ASB13: variants seen among roughly 807,000 people sequenced by gnomAD.
ASB13 encodes ankyrin repeat and SOCS box protein 13.
A neutral mutation model predicts 28.8 loss-of-function variants in ASB13; 33 were observed. That is an observed-to-expected ratio of 1.15 (90% CI 0.87 to 1.53). The LOEUF (loss-of-function observed/expected upper bound fraction) is 1.53, where lower values mean the gene tolerates loss of function less well. ASB13 is among the 40% of genes most tolerant of loss of function. The probability of loss-of-function intolerance (pLI) is 0.00; values close to 1 mark genes in which losing one functional copy is unlikely to be tolerated. For missense variants in ASB13, 414 were observed against 390.1 expected (o/e 1.06, Z -0.52); for synonymous variants, 182 against 172.9 (o/e 1.05, Z -0.41).
chr10:5,648,940 A>G, intron 4 of ASB13, 30 bp downstream of exon 4: 1 of 1,610,968 alleles, frequency 6.2e-7, no homozygotes, highest in Non-Finnish European at 8.5e-7. Context: ...CCACTCAGGT[A>G]AACACCCGCT....
At chr10:5,654,969 G>C (rs970948920) in intron 1 of ASB13, among the ~76,000 whole-genome samples, 68 of 152,226 alleles carry the variant, frequency 4.5e-4, no homozygotes, top group African/African-American at 1.5e-3. Context: ...GGGCGTGGTG[G>C]TGCATGCCTG....
rs199941400 is a variant in ASB13 at position 5,641,946 on chromosome 10, G to A, written c.533C>T (p.Ala178Val). The A allele has an allele frequency of 5.2e-4, 833 of 1,604,104 alleles. 6 individuals are homozygous for A. The highest frequency in any genetic ancestry group is 1.9e-4 in the Non-Finnish European group (219 of 1,171,514). The change falls in exon 5 of 6, where the codon GCG becomes GTG. Residue 178 changes from alanine to valine, a missense_variant. Transcript: ENST00000357700. This position sits in a 1 kb window ranked among gnomAD's most constrained non-coding sequence, Gnocchi z 8.4. ...AAGGGCAGTCTCATGAAGCTTTGCC[G>A]CATTCACGTTGGCCCCTGGAGGTCA... ...VLLNAGANVN[A>V]AKLHETALHH... is the part of the protein sequence containing the mutation.
rs1835209653 is a variant in ASB13 at position 5,663,700 on chromosome 10, C to T, written c.43+2809G>A. ...AGGTACTGTTTTGCCCATAAACATG[C>T]TTCCTAAGCCTTTGTAACTTGCTAA... On this transcript the variant is annotated intron_variant, in intron 1 of 5. Transcript: ENST00000357700. The surrounding 1 kb of genome is among the most constrained non-coding windows in gnomAD (Gnocchi z 4.9). 1.3e-5 allele frequency among the ~76,000 whole-genome samples: 2 copies of T among 152,206 alleles called. No homozygotes were observed. The highest frequency in any genetic ancestry group is 1.3e-4 in the Admixed American group (2 of 15,282).
At chr10:5,657,516 C>A (rs947652921) in intron 1 of ASB13, among the ~76,000 whole-genome samples, 6 of 151,900 alleles carry the variant, frequency 3.9e-5, no homozygotes, top group South Asian at 2.1e-4. Flanking sequence ...TCAAAAAAAA[C>A]CAAATACGTG....
At position 5,665,999 on chromosome 10, in the gene ASB13, A is replaced by T. The variant is rs1385071491; in HGVS notation, c.43+510T>A. Among the ~76,000 whole-genome samples the T allele has an allele frequency of 5.9e-5, 9 of 152,100 alleles. No homozygotes were observed. The East Asian group carries it at 1.7e-3, about 29-fold the overall frequency. On this transcript the variant is annotated intron_variant, in intron 1 of 5. Transcript: ENST00000357700. ...TTTTCGGAGTGTGCCGGGGTGCCCC[A>T]AGGCCACCTTCACTGGAGCGGAGTC...
At chr10:5,646,067 C>A (rs1017047064) in intron 4 of ASB13, among the ~76,000 whole-genome samples, 11 of 152,294 alleles carry the variant, frequency 7.2e-5, no homozygotes, top group African/African-American at 2.4e-4. Context: ...CGAGCCAACA[C>A]CAACAGTCAC....
Position 5,641,903 on chromosome 10 carries a change from G to A in ASB13, c.576C>T (p.Val192=). The change falls in exon 5 of 6, where the codon GTC becomes GTT. Residue 192 remains valine, a synonymous_variant. Coordinates refer to ENST00000357700, the MANE Select transcript of ASB13 (RefSeq NM_024701.4). The surrounding 1 kb of genome is among the most constrained non-coding windows in gnomAD (Gnocchi z 8.4). ...HETALHHAAK[V]KNVDLIEMLI... is the part of the protein sequence containing the mutation. ...GCATCTCGATGAGGTCAACATTCTT[G>A]ACCTTGGCCGCGTGGTGAAGGGCAG... The A allele has an allele frequency of 6.2e-7, 1 of 1,613,762 alleles. No homozygotes were observed. Among genetic ancestry groups the A allele is most frequent in the Non-Finnish European group, 8.5e-7 (1 of 1,179,686 alleles).
rs898131499 is a variant in ASB13 at position 5,660,224 on chromosome 10, T to G, written c.43+6285A>C. 3.3e-5 allele frequency among the ~76,000 whole-genome samples: 5 copies of G among 152,208 alleles called. No individual in the cohort carries two copies. Among genetic ancestry groups the G allele is most frequent in the Non-Finnish European group, 7.4e-5 (5 of 68,024 alleles). ...TATCTACTGCAGACTACGGCAGACG[T>G]CACCTTGAGAAGGAATGACACGTGC... is the stretch of plus-strand genomic sequence containing the variant. On this transcript the variant is annotated intron_variant, in intron 1 of 5. Coordinates refer to ENST00000357700, the MANE Select transcript of ASB13 (RefSeq NM_024701.4). This position sits in a 1 kb window ranked among gnomAD's most constrained non-coding sequence, Gnocchi z 6.1.
chr10:5,660,176 G>C lies in ASB13; in HGVS notation c.43+6333C>G, dbSNP rs1835137895. Among the ~76,000 whole-genome samples the C allele has an allele frequency of 6.6e-6, 1 of 152,204 alleles. No individual in the cohort carries two copies. The highest frequency in any genetic ancestry group is 2.4e-5 in the African/African-American group (1 of 41,452). On this transcript the variant is annotated intron_variant, in intron 1 of 5. Coordinates refer to ENST00000357700, the MANE Select transcript of ASB13 (RefSeq NM_024701.4). This position sits in a 1 kb window ranked among gnomAD's most constrained non-coding sequence, Gnocchi z 6.1. ...GCAAAAGCCTTTGCCCTGAAAACTA[G>C]AGTTTCACAGATGTCACCTATGTAT...
rs1284227396 is a variant in ASB13, at chr10:5,659,927, A to AT, written c.43+6581dup. Among the ~76,000 whole-genome samples the AT allele has an allele frequency of 1.3e-5, 2 of 152,198 alleles. No homozygotes were observed. Among genetic ancestry groups the AT allele is most frequent in the African/African-American group, 4.8e-5 (2 of 41,450 alleles). On this transcript the variant is annotated intron_variant, in intron 1 of 5. Coordinates refer to ENST00000357700, the MANE Select transcript of ASB13 (RefSeq NM_024701.4). This position sits in a 1 kb window ranked among gnomAD's most constrained non-coding sequence, Gnocchi z 5.8. The stretch of plus-strand genomic sequence containing the variant: ...CCAGGACAGTGGCCTGAGACCTAAC[A>AT]TGATGCTTGCACACTCTGGCCAAGC...
At position 5,651,360 on chromosome 10, in the gene ASB13, C is replaced by G. The variant is rs201881330; in HGVS notation, c.235G>C (p.Asp79His). 9 of 1,604,300 alleles carry G rather than the reference C, an allele frequency of 5.6e-6. No homozygotes were observed. Among genetic ancestry groups the G allele is most frequent in the Non-Finnish European group, 7.7e-6 (9 of 1,174,012 alleles). ...QLLLAAGAQV[D>H]ARNIDGSTPL... ...GTGCTGCCGTCGATGTTGCGAGCAT[C>G]CACCTCACGGGAGGAAGAAACAAGT... Residue 79 changes from aspartate to histidine, a missense_variant, in exon 3 of 6, where the codon GAT becomes CAT. By Grantham distance (81) the Asp-to-His change is moderately conservative (BLOSUM62 -1). Transcript: ENST00000357700. The surrounding 1 kb of genome is among the most constrained non-coding windows in gnomAD (Gnocchi z 5.1).
In ASB13 at chr10:5,648,947, C is replaced by T. The variant is rs367554120; in HGVS notation, c.517+23G>A. ...GCAAACACCCACTCAGGTAAACACC[C>T]GCTCGGGCAAACACCCACTCACCTG... is the stretch of plus-strand genomic sequence containing the variant. On this transcript the variant is annotated intron_variant, in intron 4 of 5. Transcript: ENST00000357700. The T allele has an allele frequency of 1.9e-5, 30 of 1,611,720 alleles. No homozygotes were observed. In the African/African-American group the frequency reaches 2.4e-4, roughly 13 times the overall value.
In ASB13 at chr10:5,642,424, G is replaced by T; in HGVS notation, c.518-463C>A. The T allele has an allele frequency of 1.1e-6, 1 of 942,644 alleles. No individual in the cohort carries two copies. The highest frequency in any genetic ancestry group is 1.4e-6 in the Non-Finnish European group (1 of 735,376). The allele number at this position is 942,644 out of a possible 1,614,324, so 58.4% of individuals were successfully genotyped here. A position where few individuals can be genotyped will look rare whatever the true frequency, so the allele number is the denominator to read the frequency against. On this transcript the variant is annotated intron_variant, in intron 4 of 5. Transcript: ENST00000357700. The surrounding 1 kb of genome is among the most constrained non-coding windows in gnomAD (Gnocchi z 4.1). ...ATACTGGTTGAATGAAAGAATAAAT[G>T]TTCCTTAACAATGCATATTCTTTTA...
In ASB13 at chr10:5,642,035, C is replaced by G; in HGVS notation, c.518-74G>C. On this transcript the variant is annotated intron_variant, in intron 4 of 5. Transcript: ENST00000357700. This position sits in a 1 kb window ranked among gnomAD's most constrained non-coding sequence, Gnocchi z 4.1. ...GTCAGGGGGACAATCAGGTCCGTTT[C>G]GTCACACAGCACGGTGGCAGAAGCA... 7.0e-7 allele frequency: 1 copy of G among 1,438,848 alleles called. No homozygotes were observed. The highest frequency in any genetic ancestry group is 9.6e-7 in the Non-Finnish European group (1 of 1,043,708). The allele number at this position is 1,438,848 out of a possible 1,614,324, so 89.1% of individuals were successfully genotyped here.
rs1054773902 is a variant in ASB13 at position 5,644,662 on chromosome 10, C to T, written c.518-2701G>A. 1.3e-5 allele frequency among the ~76,000 whole-genome samples: 2 copies of T among 151,846 alleles called. No individual in the cohort carries two copies. Among genetic ancestry groups the T allele is most frequent in the Non-Finnish European group, 2.9e-5 (2 of 67,968 alleles). ...GTGAAACCTCGTCTCTACTAAAAAT[C>T]CAAAAATTACCTGGGCGTGGTGGTG... On this transcript the variant is annotated intron_variant, in intron 4 of 5. Coordinates refer to ENST00000357700, the MANE Select transcript of ASB13 (RefSeq NM_024701.4). This position sits in a 1 kb window ranked among gnomAD's most constrained non-coding sequence, Gnocchi z 5.1.
Position 5,642,001 on chromosome 10 carries a change from G to A in ASB13, c.518-40C>T. ...TGCAGAAGAGATTTCACCAAGAAGAGAACTTGAAGTCAGGGGGACAATCAG... is the reference window on the plus strand; with the variant it reads ...TGCAGAAGAGATTTCACCAAGAAGAAAACTTGAAGTCAGGGGGACAATCAG... On this transcript the variant is annotated intron_variant, in intron 4 of 5. Coordinates refer to ENST00000357700, the MANE Select transcript of ASB13 (RefSeq NM_024701.4). The surrounding 1 kb of genome is among the most constrained non-coding windows in gnomAD (Gnocchi z 4.1). 1.9e-6 allele frequency: 3 copies of A among 1,577,734 alleles called. No individual in the cohort carries two copies. The highest frequency in any genetic ancestry group is 2.6e-6 in the Non-Finnish European group (3 of 1,151,874).
In ASB13 at chr10:5,651,421, C is replaced by G; in HGVS notation, c.232-58G>C. 2.0e-6 allele frequency: 3 copies of G among 1,479,676 alleles called. No individual in the cohort carries two copies. The highest frequency in any genetic ancestry group is 1.8e-6 in the Non-Finnish European group (2 of 1,102,984). 91.7% of individuals were successfully genotyped at this position (1,479,676 alleles called of 1,614,324 possible). A position where few individuals can be genotyped will look rare whatever the true frequency, so the allele number is the denominator to read the frequency against. ...AGAGAAATGCCACGCAACCCACTTT[C>G]CCATCCTGCTGCAGGTTCATCTTTG... On this transcript the variant is annotated intron_variant, in intron 2 of 5. Transcript: ENST00000357700. This position sits in a 1 kb window ranked among gnomAD's most constrained non-coding sequence, Gnocchi z 5.1.
chr10:5,652,026 C>CACACACACA lies in ASB13; in HGVS notation c.232-664_232-663insTGTGTGTGT, dbSNP rs60821267. ...CAAAAAAAAAAAAAAAAAAAAAAAACCACACACACACACACACACACACAC... is the reference window on the plus strand; with the variant it reads ...CAAAAAAAAAAAAAAAAAAAAAAAACACACACACACACACACACACACACACACACACAC... On this transcript the variant is annotated intron_variant, in intron 2 of 5. Transcript: ENST00000357700. This position sits in a 1 kb window ranked among gnomAD's most constrained non-coding sequence, Gnocchi z 5.0. Among the ~76,000 whole-genome samples the CACACACACA allele has an allele frequency of 1.1e-3, 63 of 59,018 alleles. No homozygotes were observed. Among genetic ancestry groups the CACACACACA allele is most frequent in the African/African-American group, 3.5e-3 (49 of 13,840 alleles). The allele number at this position is 59,018 out of a possible 152,430, so 38.7% of individuals were successfully genotyped here. A position where few individuals can be genotyped will look rare whatever the true frequency, so the allele number is the denominator to read the frequency against.
Position 5,655,722 on chromosome 10 carries a change from G to A in ASB13, c.44-2672C>T, listed in dbSNP as rs1835060158. Among the ~76,000 whole-genome samples the A allele has an allele frequency of 6.6e-6, 1 of 152,178 alleles. No individual in the cohort carries two copies. The highest frequency in any genetic ancestry group is 6.5e-5 in the Admixed American group (1 of 15,280). On this transcript the variant is annotated intron_variant, in intron 1 of 5. Coordinates refer to ENST00000357700, the MANE Select transcript of ASB13 (RefSeq NM_024701.4). This position sits in a 1 kb window ranked among gnomAD's most constrained non-coding sequence, Gnocchi z 6.2. ...CCTGAGGTTAGTGAGAAGTGGCTTA[G>A]TGTCACTTTAAAATCAATCCGCAGG...
Sources: allele counts gnomAD v4.1 joint callset (sites outside exome capture counted in the v4.1 genomes callset), GRCh38; gene constraint gnomAD v4.1.1; non-coding constraint Gnocchi (gnomAD v3.1); transcripts MANE v1.5; gene names NCBI Gene and HGNC (gene_info 2026-07-23, HGNC 2026-07-21).